SLF1: variants seen among roughly 807,000 people sequenced by gnomAD.
SLF1 encodes SMC5/6 complex localization factor 1, also known as SMC5-SMC6 complex localization factor protein 1.
A neutral mutation model predicts 123.0 loss-of-function variants in SLF1; 105 were observed. The observed-to-expected ratio is 0.85, with a 90% CI of 0.73 to 1.00. The LOEUF is 1.00. SLF1 is among the 50% of genes least tolerant of loss of function. SLF1 has a pLI of 0.00. For missense variants in SLF1, 1,239 were observed against 1,223.0 expected (o/e 1.01, Z -0.20); for synonymous variants, 434 against 406.6 (o/e 1.07, Z -0.81).
intron 15 of SLF1, among the ~76,000 whole-genome samples, chr5:94,681,549 A>T (rs1751769625): frequency 6.6e-6 from 1 of 152,152 alleles, no homozygotes; most frequent in Non-Finnish European, 1.5e-5. Context: ...CACAATGTGC[A>T]GGTAAGTTAC....
chr5:94,687,455 TGGAAGCTGA>T (rs1220329816), intron 16 of SLF1, among the ~76,000 whole-genome samples: 1 of 152,030 alleles, frequency 6.6e-6, no homozygotes, highest in Non-Finnish European at 1.5e-5. Context: ...CTAACACTTT[TGGAAGCTGA>T]GGCAGGAGGA....
In SLF1 at chr5:94,670,723, CT is replaced by C. The variant is rs1750341540; in HGVS notation, c.1662-117del. 5 of 710,602 alleles carry C rather than the reference CT, an allele frequency of 7.0e-6. No homozygotes were observed. The African/African-American group carries it at 7.2e-5, about 10-fold the overall frequency. The allele number at this position is 710,602 out of a possible 1,614,324, so 44.0% of individuals were successfully genotyped here. Reference sequence around the variant, plus strand: ...TGTCCTTTATTATAATTGTTATAATCTTTATATTTTATGATCTATGTTCAAA... The same window carrying C: ...TGTCCTTTATTATAATTGTTATAATCTTATATTTTATGATCTATGTTCAAA... On this transcript the variant is annotated intron_variant, in intron 13 of 20. Transcript: ENST00000265140.
chr5:94,623,876 A>G (rs1203375652), intron 1 of SLF1, among the ~76,000 whole-genome samples: 1 of 152,210 alleles, frequency 6.6e-6, no homozygotes, highest in Non-Finnish European at 1.5e-5. Flanking sequence ...ATATCTATAC[A>G]TGTTTATATC....
In SLF1 at chr5:94,651,789, G is replaced by A. The variant is rs913133255; in HGVS notation, c.826G>A (p.Asp276Asn). The A allele has an allele frequency of 9.2e-6, 14 of 1,516,296 alleles. No individual in the cohort carries two copies. Among genetic ancestry groups the A allele is most frequent in the African/African-American group, 1.4e-5 (1 of 71,822 alleles). 93.9% of individuals were successfully genotyped at this position (1,516,296 alleles called of 1,614,324 possible). The change falls in exon 7 of 21, where the codon GAT becomes AAT. Residue 276 changes from aspartate (D) to asparagine (N), a missense_variant. Transcript: ENST00000265140. ...AGAAAAATTCAGTGGTTCCAGTAAA[G>A]ATTTGAAATTTGTTAAAATGAGAAA... ...KKEKFSGSSK[D>N]LKFVKMRNTF...
chr5:94,630,992 A>G (rs1745135858), intron 4 of SLF1, among the ~76,000 whole-genome samples: 1 of 146,386 alleles, frequency 6.8e-6, no homozygotes, highest in Non-Finnish European at 1.5e-5. Flanking sequence ...CTTTTGGCCA[A>G]CTCAAGCAAA....
At chr5:94,638,511 C>T (rs747135780) in intron 4 of SLF1, among the ~76,000 whole-genome samples, 1 of 152,170 alleles carries the variant, frequency 6.6e-6, no homozygotes, top group Non-Finnish European at 1.5e-5. Flanking sequence ...CCCAGGTTGT[C>T]TAGCTGTGCC....
At chr5:94,632,522 T>G (rs1023728506) in intron 4 of SLF1, among the ~76,000 whole-genome samples, 1 of 152,194 alleles carries the variant, frequency 6.6e-6, no homozygotes, top group Non-Finnish European at 1.5e-5. Context: ...CGCTTGTTCT[T>G]TAATGTCTTA....
chr5:94,649,397 A>G (rs569606164), intron 5 of SLF1, 57 bp from the exon 6 acceptor site: 16 of 1,335,884 alleles, frequency 1.2e-5, no homozygotes, highest in South Asian at 1.1e-4. Context: ...CATAAAACGT[A>G]CATAATATTG....
intron 10 of SLF1, 96 bp downstream of exon 10, chr5:94,662,447 C>G: frequency 1.0e-6 from 1 of 989,576 alleles, no homozygotes; most frequent in Non-Finnish European, 1.4e-6. Context: ...GTTGTATGCA[C>G]AATAAAAGGT....
chr5:94,681,523 T>C (rs1751766264), intron 15 of SLF1, among the ~76,000 whole-genome samples: 1 of 152,196 alleles, frequency 6.6e-6, no homozygotes, highest in Admixed American at 6.5e-5. Flanking sequence ...ATACTTTAAG[T>C]TTTAGGGTAC....
At position 94,648,568 on chromosome 5, in the gene SLF1, G is replaced by A. The variant is rs1001413243; in HGVS notation, c.595-886G>A. On this transcript the variant is annotated intron_variant, in intron 5 of 20. Coordinates refer to ENST00000265140, the MANE Select transcript of SLF1 (RefSeq NM_032290.4). ...GTGATCTTGGCTCACTGCAGCCTCC[G>A]CCTCCCAAGTTCAAGCAATTCTCCT... Among the ~76,000 whole-genome samples, 6 of 152,262 alleles carry A rather than the reference G, an allele frequency of 3.9e-5. No homozygotes were observed. The South Asian group carries it at 1.2e-3, about 32-fold the overall frequency.
At chr5:94,681,746 T>C (rs573983632) in intron 15 of SLF1, among the ~76,000 whole-genome samples, 3 of 150,892 alleles carry the variant, frequency 2.0e-5, no homozygotes, top group African/African-American at 7.3e-5. Context: ...GAATATGCGG[T>C]GTCTGGTTTT....
chr5:94,658,472 C>T (rs1354674289), intron 9 of SLF1, among the ~76,000 whole-genome samples: 1 of 151,684 alleles, frequency 6.6e-6, no homozygotes, highest in Non-Finnish European at 1.5e-5. Context: ...CCTTTCAACA[C>T]TATGAATGTG....
chr5:94,624,571 T>C (rs1461176592), intron 1 of SLF1, among the ~76,000 whole-genome samples: 3 of 152,202 alleles, frequency 2.0e-5, no homozygotes, highest in Non-Finnish European at 4.4e-5. Context: ...TAACATGATC[T>C]GGAAACAGCA....
chr5:94,677,307 TGTC>T (rs1330315974), intron 14 of SLF1, among the ~76,000 whole-genome samples: 1 of 152,166 alleles, frequency 6.6e-6, no homozygotes, highest in East Asian at 1.9e-4. Context: ...TCCTGTTACT[TGTC>T]GTCTAGGCTT....
chr5:94,675,419 A>G (rs1750933596), intron 14 of SLF1, among the ~76,000 whole-genome samples: 1 of 152,184 alleles, frequency 6.6e-6, no homozygotes, highest in Non-Finnish European at 1.5e-5. Context: ...TATTCCAAGA[A>G]AGCTGTTTTC....
At chr5:94,658,155 G>GT (rs1253868410) in intron 9 of SLF1, among the ~76,000 whole-genome samples, 5 of 122,058 alleles carry the variant, frequency 4.1e-5, no homozygotes, top group Non-Finnish European at 8.9e-5. Context: ...GCAGTTGGGT[G>GT]TTTTTTGTTT....
chr5:94,619,139 T>C (rs1224141352), intron 1 of SLF1, among the ~76,000 whole-genome samples: 1 of 152,140 alleles, frequency 6.6e-6, no homozygotes, highest in Non-Finnish European at 1.5e-5. Context: ...GCGTCTCTCG[T>C]TTCCATAGAA....
At position 94,668,342 on chromosome 5, in the gene SLF1, T is replaced by C. The variant is rs1585190594; in HGVS notation, c.1533-1809T>C. On this transcript the variant is annotated intron_variant, in intron 12 of 20. Coordinates refer to ENST00000265140, the MANE Select transcript of SLF1 (RefSeq NM_032290.4). ...TGTGGTTGTGGTTGTAGTTTGTTTGTTTGTTTTTTGAGAAGAAGTTTCGCT... is the reference window on the plus strand; with the variant it reads ...TGTGGTTGTGGTTGTAGTTTGTTTGCTTGTTTTTTGAGAAGAAGTTTCGCT... 3.9e-5 allele frequency among the ~76,000 whole-genome samples: 6 copies of C among 151,982 alleles called. No homozygotes were observed. The South Asian group carries it at 1.2e-3, about 32-fold the overall frequency.
Sources: allele counts gnomAD v4.1 joint callset (sites outside exome capture counted in the v4.1 genomes callset), GRCh38; gene constraint gnomAD v4.1.1; transcripts MANE v1.5; gene names NCBI Gene and HGNC (gene_info 2026-07-23, HGNC 2026-07-21).